BRD4: variants seen among roughly 807,000 people sequenced by gnomAD.
BRD4 encodes bromodomain-containing protein 4.
In BRD4, 16 loss-of-function variants were observed where a neutral mutation model predicts 142.1. That is an observed-to-expected ratio of 0.11 (90% CI 0.08 to 0.17). The LOEUF is 0.17. BRD4 is among the 10% of genes least tolerant of loss of function. BRD4 has a pLI of 1.00. For missense variants in BRD4, 1,424 were observed against 1,810.9 expected, an observed-to-expected ratio of 0.79 and a Z score of 3.88; for synonymous variants, 833 against 707.5, an observed-to-expected ratio of 1.18 and a Z score of -2.82.
At chr19:15,261,596 A>G (rs902252444) in intron 7 of BRD4, among the ~76,000 whole-genome samples, 1 of 152,254 alleles carries the variant, frequency 6.6e-6, no homozygotes, top group African/African-American at 2.4e-5. Flanking sequence ...AGGCACACAG[A>G]CAACACCAAA....
rs567489459 is a variant in BRD4 at position 15,239,927 on chromosome 19, C to A, written c.3265G>T (p.Val1089Phe). Residue 1089 changes from valine (V) to phenylalanine (F), a missense_variant, in exon 15 of 20, where the codon GTC becomes TTC. Physicochemically the swap from Val to Phe is conservative, Grantham distance 50. This residue lies in a region of BRD4 where 598 missense variants were observed against 647.8 expected (regional missense o/e 0.92). Coordinates refer to ENST00000679869, the MANE Select transcript of BRD4 (RefSeq NM_001379291.1). The surrounding 1 kb of genome is among the most constrained non-coding windows in gnomAD (Gnocchi z 7.4). ...LTHQSPPQQNVQPKKQELRAA... is the reference protein window; with the variant it reads ...LTHQSPPQQNFQPKKQELRAA... ...CCAGTTACCTGTTTCTTAGGCTGGACGTTTTGCTGGGGTGGAGACTGGTGG... is the reference window on the plus strand; with the variant it reads ...CCAGTTACCTGTTTCTTAGGCTGGAAGTTTTGCTGGGGTGGAGACTGGTGG... 1 of 1,613,856 alleles carries A rather than the reference C, an allele frequency of 6.2e-7. No homozygotes were observed. The highest frequency in any genetic ancestry group is 8.5e-7 in the Non-Finnish European group (1 of 1,179,986).
chr19:15,320,725 T>C (rs2048054247), intron 1 of BRD4, among the ~76,000 whole-genome samples: 1 of 152,218 alleles, frequency 6.6e-6, no homozygotes, highest in Admixed American at 6.5e-5. Context: ...GCTCCTTCTA[T>C]GCCTGACACA....
At position 15,269,374 on chromosome 19, in the gene BRD4, G is replaced by A. The variant is rs571244913; in HGVS notation, c.286-332C>T. On this transcript the variant is annotated intron_variant, in intron 2 of 19. Coordinates refer to ENST00000679869, the MANE Select transcript of BRD4 (RefSeq NM_001379291.1). ...TTCTTTCACTTTTAATAAATAAGGG[G>A]GAAACCAGGCAGCCTTTTAAAAAGC... Among the ~76,000 whole-genome samples the A allele has an allele frequency of 5.3e-5, 8 of 152,206 alleles. No homozygotes were observed. The East Asian group carries it at 1.5e-3, about 29-fold the overall frequency.
At chr19:15,249,219 T>C in intron 11 of BRD4, 5 of 1,613,694 alleles carry the variant, frequency 3.1e-6, no homozygotes, top group South Asian at 1.1e-5. Flanking sequence ...ACTTAAGCTA[T>C]AGCTTGCTGG....
intron 1 of BRD4, among the ~76,000 whole-genome samples, chr19:15,301,280 G>C (rs1470614232): frequency 2.0e-5 from 3 of 152,194 alleles, no homozygotes; most frequent in Non-Finnish European, 4.4e-5. Flanking sequence ...CGTTGCTGAG[G>C]AGCCGGACAC....
At chr19:15,296,117 G>A (rs1358291426) in intron 1 of BRD4, among the ~76,000 whole-genome samples, 1 of 151,200 alleles carries the variant, frequency 6.6e-6, no homozygotes, top group African/African-American at 2.4e-5. Context: ...AGCTGGGGGT[G>A]GTGGCGCACG....
At chr19:15,245,400 A>C (rs1200944011) in intron 11 of BRD4, among the ~76,000 whole-genome samples, 2 of 152,142 alleles carry the variant, frequency 1.3e-5, no homozygotes, top group East Asian at 3.8e-4. Flanking sequence ...AAAAAGGAGC[A>C]GGCTGGCCTC....
intron 2 of BRD4, among the ~76,000 whole-genome samples, chr19:15,271,870 T>C (rs1161871660): frequency 7.1e-6 from 1 of 141,220 alleles, no homozygotes; most frequent in Admixed American, 6.9e-5. Context: ...GACTTTAAAC[T>C]TGGGAGTAAG....
chr19:15,265,438 G>T lies in BRD4; in HGVS notation c.765C>A (p.Pro255=), dbSNP rs756059245. The change falls in exon 5 of 20, where the codon CCC becomes CCA. Residue 255 remains proline, a synonymous_variant. Transcript: ENST00000679869. ...CTGGAGCGGGTGGGGGTTGTGGCTG[G>T]GGGGGCACTGGCGGGGGCGTCTGCA... ...QPLQTPPPVP[P]QPQPPPAPAP... is the part of the protein sequence containing the mutation. 6.4e-7 allele frequency: 1 copy of T among 1,574,106 alleles called. No individual in the cohort carries two copies. The highest frequency in any genetic ancestry group is 8.6e-7 in the Non-Finnish European group (1 of 1,158,818).
intron 2 of BRD4, among the ~76,000 whole-genome samples, chr19:15,272,352 G>A (rs373971066): frequency 2.8e-4 from 42 of 152,278 alleles, no homozygotes; most frequent in East Asian, 2.7e-3. Context: ...TTTCCCCACC[G>A]TGTGCTCCGG....
At chr19:15,320,280 G>C (rs1323242946) in intron 1 of BRD4, among the ~76,000 whole-genome samples, 1 of 152,080 alleles carries the variant, frequency 6.6e-6, no homozygotes, top group African/African-American at 2.4e-5. Context: ...ACTTGTTTTT[G>C]ATTATGGAAA....
At chr19:15,295,318 G>A (rs1347924379) in intron 1 of BRD4, among the ~76,000 whole-genome samples, 1 of 152,220 alleles carries the variant, frequency 6.6e-6, no homozygotes, top group African/African-American at 2.4e-5. Context: ...GTGGCCTCCT[G>A]ACCCTCGATT....
At chr19:15,244,081 C>A (rs2145514662) in intron 13 of BRD4, 150 bp downstream of exon 13, 2 of 1,415,528 alleles carry the variant, frequency 1.4e-6, no homozygotes, top group South Asian at 2.5e-5. Flanking sequence ...CCTTTAACTT[C>A]CAAGATGGCC....
Position 15,254,189 on chromosome 19 carries a change from A to G in BRD4, c.2121T>C (p.Ser707=). The stretch of plus-strand genomic sequence containing the variant: ...CTTCGCTGTCAGAGGAGCTGGACTC[A>G]CTGGAGCTCTCCGACTCTGAGGACG... ...GFSSSESESS[S]ESSSSDSEDS... is the part of the protein sequence containing the mutation. The change falls in exon 11 of 20, where the codon AGT becomes AGC. Residue 707 remains serine (S), a synonymous_variant. Transcript: ENST00000679869. 1.2e-6 allele frequency: 2 copies of G among 1,614,204 alleles called. No homozygotes were observed. Among genetic ancestry groups the G allele is most frequent in the Non-Finnish European group, 1.7e-6 (2 of 1,180,030 alleles).
intron 1 of BRD4, 110 bp from the exon 2 acceptor site, chr19:15,273,243 A>G: frequency 1.7e-6 from 2 of 1,172,912 alleles, no homozygotes; most frequent in Non-Finnish European, 2.4e-6. Flanking sequence ...CCCTGGCGGT[A>G]GCTAGCCAAG....
intron 1 of BRD4, among the ~76,000 whole-genome samples, chr19:15,328,179 T>G (rs1368782344): frequency 4.6e-5 from 7 of 152,154 alleles, no homozygotes; most frequent in Non-Finnish European, 1.0e-4. Context: ...TATCTTTCAG[T>G]CTTTCCTTGT....
At chr19:15,317,069 T>G (rs1260694091) in intron 1 of BRD4, among the ~76,000 whole-genome samples, 2 of 152,166 alleles carry the variant, frequency 1.3e-5, no homozygotes, top group Non-Finnish European at 2.9e-5. Context: ...TATGGTGGAC[T>G]CCCACAGCTT....
chr19:15,330,961 G>A (rs370206628), intron 1 of BRD4, among the ~76,000 whole-genome samples: 12 of 152,048 alleles, frequency 7.9e-5, no homozygotes, highest in Admixed American at 5.9e-4. Context: ...ACTGGCTTAC[G>A]AGGTAAACTG....
intron 1 of BRD4, among the ~76,000 whole-genome samples, chr19:15,308,873 G>C (rs1261152388): frequency 2.6e-5 from 4 of 151,564 alleles, no homozygotes; most frequent in Non-Finnish European, 4.4e-5. Flanking sequence ...AAATTAGCCG[G>C]GCATGGTGGC....
Sources: allele counts gnomAD v4.1 joint callset (sites outside exome capture counted in the v4.1 genomes callset), GRCh38; gene constraint gnomAD v4.1.1; regional missense constraint gnomAD v4.1.1; non-coding constraint Gnocchi (gnomAD v3.1); transcripts MANE v1.5; gene names NCBI Gene and HGNC (gene_info 2026-07-23, HGNC 2026-07-21).